The following MTA3 variants were observed in gnomAD, a reference collection of about 807,000 sequenced individuals.
MTA3 encodes metastasis associated 1 family member 3.
In MTA3, 34 loss-of-function variants were observed where a neutral mutation model predicts 83.5. The ratio of observed to expected loss-of-function variants is 0.41; its 90% CI spans 0.31 to 0.54. MTA3 has a LOEUF of 0.54. Among genes scored for constraint, MTA3 ranks in the 20% least tolerant of loss-of-function variants. MTA3 has a pLI of 0.33. For missense variants in MTA3, 761 were observed against 726.4 expected (o/e 1.05, Z -0.55); for synonymous variants, 303 against 252.7 (o/e 1.20, Z -1.89).
intron 16 of MTA3, among the ~76,000 whole-genome samples, chr2:42,732,674 A>G (rs564917409): frequency 4.6e-5 from 7 of 152,326 alleles, no homozygotes; most frequent in African/African-American, 1.7e-4. Flanking sequence ...TCTATCGCAT[A>G]GTCAGGCTGC....
chr2:42,575,848 G>C (rs1196921226), intron 2 of MTA3, among the ~76,000 whole-genome samples: 2 of 152,074 alleles, frequency 1.3e-5, no homozygotes, highest in African/African-American at 4.8e-5. Flanking sequence ...ATTCATTTCT[G>C]AAATGCCCCC....
chr2:42,703,926 A>T, intron 11 of MTA3: 1 of 280,932 alleles, frequency 3.6e-6, no homozygotes, highest in Non-Finnish European at 6.8e-6. Context: ...TGTTCTAAGG[A>T]AATTGTATTC....
At position 42,704,055 on chromosome 2, in the gene MTA3, T is replaced by C. The variant is rs964043656; in HGVS notation, c.1026-139T>C. 11 of 997,634 alleles carry C rather than the reference T, an allele frequency of 1.1e-5. No individual in the cohort carries two copies. The African/African-American group carries it at 1.2e-4, about 10-fold the overall frequency. 61.8% of individuals were successfully genotyped at this position (997,634 alleles called of 1,614,324 possible). A position where few individuals can be genotyped will look rare whatever the true frequency, so the allele number is the denominator to read the frequency against. On this transcript the variant is annotated intron_variant, in intron 11 of 16. Transcript: ENST00000405094. Reference sequence around the variant, plus strand: ...GTGAGTTCATTTAACACCTTGGTTTTACCAGTTTATTTCTTCTTCACACAT... The same window carrying C: ...GTGAGTTCATTTAACACCTTGGTTTCACCAGTTTATTTCTTCTTCACACAT...
chr2:42,561,160 A>G (rs551157654), intron 2 of MTA3, among the ~76,000 whole-genome samples: 1 of 152,020 alleles, frequency 6.6e-6, no homozygotes, highest in Non-Finnish European at 1.5e-5. Flanking sequence ...TGCTCTCCAG[A>G]TGTCCCAAGT....
At chr2:42,725,276 C>A (rs974722242) in intron 16 of MTA3, among the ~76,000 whole-genome samples, 1 of 152,090 alleles carries the variant, frequency 6.6e-6, no homozygotes, top group Admixed American at 6.5e-5. Flanking sequence ...AAAAATGAGA[C>A]CTAGAGAAGT....
intron 4 of MTA3, among the ~76,000 whole-genome samples, chr2:42,610,004 G>A (rs1418640539): frequency 6.6e-6 from 1 of 152,186 alleles, no homozygotes; most frequent in Non-Finnish European, 1.5e-5. Flanking sequence ...GGAGGCTGAG[G>A]CAGGAGAATT....
At chr2:42,661,971 G>T (rs1463152067) in intron 8 of MTA3, among the ~76,000 whole-genome samples, 1 of 152,008 alleles carries the variant, frequency 6.6e-6, no homozygotes, top group Admixed American at 6.6e-5. Flanking sequence ...GATCTGCTAT[G>T]TATGTAGTCT....
At chr2:42,550,084 T>C (rs1270202165) in intron 2 of MTA3, among the ~76,000 whole-genome samples, 1 of 152,060 alleles carries the variant, frequency 6.6e-6, no homozygotes, top group African/African-American at 2.4e-5. Context: ...GTATTTCCTT[T>C]AAGTGAAAAG....
chr2:42,605,844 A>ACC (rs1159525599), intron 3 of MTA3, among the ~76,000 whole-genome samples: 1 of 119,052 alleles, frequency 8.4e-6, no homozygotes, highest in East Asian at 2.6e-4. Flanking sequence ...TGGAGGGCTG[A>ACC]CCCCCCCACC....
chr2:42,656,307 G>C lies in MTA3; in HGVS notation c.602+5G>C. 6.3e-7 allele frequency: 1 copy of C among 1,586,538 alleles called. No individual in the cohort carries two copies. The highest frequency in any genetic ancestry group is 8.7e-7 in the Non-Finnish European group (1 of 1,155,332). The stretch of plus-strand genomic sequence containing the variant: ...CCAGTTTTTAGTTGTAGCACGGTGA[G>C]TATGAGTATGGCATTATTGAGTCAA... On this transcript the variant is annotated splice_donor_5th_base_variant and intron_variant, in intron 7 of 16. Coordinates refer to ENST00000405094, the MANE Select transcript of MTA3 (RefSeq NM_001330442.2).
chr2:42,708,912 G>T lies in MTA3; in HGVS notation c.1341G>T (p.Met447Ile). The T allele has an allele frequency of 1.2e-6, 2 of 1,614,020 alleles. No homozygotes were observed. Among genetic ancestry groups the T allele is most frequent in the South Asian group, 2.2e-5 (2 of 91,086 alleles). ...GAAGTCACGTGTCCCGCCAGGCCAT[G>T]CAGGGAATGCCAGTCCGAAACACTG... is the stretch of plus-strand genomic sequence containing the variant. ...RVRSHVSRQAMQGMPVRNTGS... is the reference protein window; with the variant it reads ...RVRSHVSRQAIQGMPVRNTGS... The change falls in exon 14 of 17, where the codon ATG becomes ATT. Residue 447 changes from methionine (M) to isoleucine (I), a missense_variant. Transcript: ENST00000405094.
intron 2 of MTA3, among the ~76,000 whole-genome samples, chr2:42,496,840 A>G (rs754265698): frequency 1.3e-5 from 2 of 152,074 alleles, no homozygotes; most frequent in African/African-American, 2.4e-5. Flanking sequence ...TCCTATCTCT[A>G]TGAATTCTGA....
intron 2 of MTA3, among the ~76,000 whole-genome samples, chr2:42,528,237 T>G (rs1205653523): frequency 1.4e-5 from 2 of 143,248 alleles, no homozygotes; most frequent in African/African-American, 5.3e-5. Context: ...CTTTTTTTTT[T>G]GGAAATAGAG....
chr2:42,697,696 T>A, intron 10 of MTA3, 80 bp from the exon 11 acceptor site: 1 of 984,622 alleles, frequency 1.0e-6, no homozygotes, highest in Non-Finnish European at 1.5e-6. Flanking sequence ...ATACGTATTT[T>A]CTTGTGAATT....
chr2:42,605,780 A>T (rs1388929166), intron 3 of MTA3, among the ~76,000 whole-genome samples: 2 of 105,942 alleles, frequency 1.9e-5, no homozygotes, highest in Non-Finnish European at 3.9e-5. Context: ...ACTTCCCAGA[A>T]GGGGCGGCCG....
chr2:42,512,016 C>CA (rs1674926800), intron 2 of MTA3, among the ~76,000 whole-genome samples: 1 of 150,190 alleles, frequency 6.7e-6, no homozygotes, highest in East Asian at 1.9e-4. Context: ...GACTCCATCT[C>CA]AAAAAAAATA....
At chr2:42,525,579 C>CCCTTCCTTCCTTTCCTTCCTTCCTTT (rs1469263011) in intron 2 of MTA3, among the ~76,000 whole-genome samples, 1 of 125,750 alleles carries the variant, frequency 8.0e-6, no homozygotes, top group Non-Finnish European at 1.7e-5. Context: ...TCCTTCCTTC[C>CCCTTCCTTCCTTTCCTTCCTTCCTTT]CCTTCCTTCC....
intron 2 of MTA3, among the ~76,000 whole-genome samples, chr2:42,510,980 A>T (rs1373734546): frequency 1.3e-5 from 2 of 152,182 alleles, no homozygotes; most frequent in Non-Finnish European, 2.9e-5. Context: ...ATGAACCAAA[A>T]TTAACTAGTT....
At chr2:42,561,051 G>C (rs565568965) in intron 2 of MTA3, among the ~76,000 whole-genome samples, 1 of 152,214 alleles carries the variant, frequency 6.6e-6, no homozygotes, top group Non-Finnish European at 1.5e-5. Context: ...TCACCTCCCT[G>C]ACCCCATCTG....
Sources: allele counts gnomAD v4.1 joint callset (sites outside exome capture counted in the v4.1 genomes callset), GRCh38; gene constraint gnomAD v4.1.1; transcripts MANE v1.5; gene names NCBI Gene and HGNC (gene_info 2026-07-23, HGNC 2026-07-21).